The following TSHB variants were observed in gnomAD, a reference collection of about 807,000 sequenced individuals.
TSHB encodes thyrotropin subunit beta.
TSHB carries 9 observed loss-of-function variants against 9.3 expected under a neutral mutation model. The observed-to-expected ratio is 0.97, with a 90% CI of 0.58 to 1.69. The LOEUF is 1.69. TSHB is among the 40% of genes most tolerant of loss of function. The pLI, the probability that TSHB is intolerant of heterozygous loss-of-function variation, is 0.00. For missense variants in TSHB, 182 were observed against 168.5 expected (o/e 1.08, Z -0.44); for synonymous variants, 57 against 57.2 (o/e 1.00, Z 0.01).
intron 2 of TSHB, chr1:115,033,772 C>T (rs77669989): frequency 0.033 from 9,391 of 283,484 alleles, 210 homozygotes; most frequent in Non-Finnish European, 0.043. Context: ...CCATGATCAA[C>T]GATGAAAGAG....
intron 1 of TSHB, among the ~76,000 whole-genome samples, chr1:115,031,966 T>C (rs1017382244): frequency 3.3e-5 from 5 of 152,052 alleles, no homozygotes; most frequent in African/African-American, 9.7e-5. Flanking sequence ...ATAAGAAGTA[T>C]AGTAAACATA....
rs868162505 is a variant in TSHB, at chr1:115,033,409, G to C, written c.47G>C (p.Gly16Ala). 1.2e-6 allele frequency: 2 copies of C among 1,613,374 alleles called. No individual in the cohort carries two copies. Among genetic ancestry groups the C allele is most frequent in the Admixed American group, 3.3e-5 (2 of 59,968 alleles). The change falls in exon 2 of 3, where the codon GGG becomes GCG. Residue 16 changes from glycine to alanine, a missense_variant. Physicochemically the swap from Gly to Ala is moderately conservative, Grantham distance 60. Transcript: ENST00000256592. ...TCCATGCTTTTTGGCCTTACATGTG[G>C]GCAAGCGATGTCTTTTTGTATTCCA... is the stretch of plus-strand genomic sequence containing the variant. ...LMSMLFGLTC[G>A]QAMSFCIPTE...
chr1:115,032,041 G>A (rs1468264046), intron 1 of TSHB, among the ~76,000 whole-genome samples: 2 of 151,968 alleles, frequency 1.3e-5, no homozygotes, highest in African/African-American at 4.8e-5. Context: ...AGAACAATCT[G>A]CGTTTTTATT....
intron 1 of TSHB, among the ~76,000 whole-genome samples, chr1:115,030,569 G>A (rs59741045): frequency 0.43 from 65,518 of 151,768 alleles, 14,683 homozygotes; most frequent in Non-Finnish European, 0.5. Flanking sequence ...AGAGGAAAGA[G>A]GCAAAGGAAA....
At chr1:115,033,674 A>G in intron 2 of TSHB, 150 bp downstream of exon 2, 1 of 819,358 alleles carries the variant, frequency 1.2e-6, no homozygotes, top group South Asian at 1.5e-5. Flanking sequence ...CACAGGTTAC[A>G]ATATTATGTG....
chr1:115,033,841 T>C (rs1674949952), intron 2 of TSHB, 132 bp from the exon 3 acceptor site: 2 of 1,320,510 alleles, frequency 1.5e-6, no homozygotes, highest in East Asian at 2.4e-5. Context: ...TATTGGAGAA[T>C]GGGGCTAAGC....
At chr1:115,033,618 C>A in intron 2 of TSHB, 94 bp downstream of exon 2, 1 of 1,198,572 alleles carries the variant, frequency 8.3e-7, no homozygotes, top group South Asian at 1.2e-5. Flanking sequence ...AAATCACAAC[C>A]TCATTTCCCA....
At chr1:115,031,759 A>T (rs979632569) in intron 1 of TSHB, among the ~76,000 whole-genome samples, 12 of 152,052 alleles carry the variant, frequency 7.9e-5, no homozygotes, top group African/African-American at 2.7e-4. Context: ...CACATTTGAG[A>T]AGCGCTTGAG....
rs1674960039 is a variant in TSHB at position 115,034,134 on chromosome 1, C to T, written c.324C>T (p.Cys108=). ...PVALSCKCGK[C]NTDYSDCIHE... ...CTTTAAGCTGTAAGTGTGGCAAGTG[C>T]AATACTGACTATAGTGACTGCATAC... is the stretch of plus-strand genomic sequence containing the variant. Residue 108 remains cysteine, a synonymous_variant, in exon 3 of 3, where the codon TGC becomes TGT. Transcript: ENST00000256592. 1.2e-6 allele frequency: 2 copies of T among 1,613,762 alleles called. No individual in the cohort carries two copies.
intron 1 of TSHB, among the ~76,000 whole-genome samples, chr1:115,030,874 A>T (rs1674880821): frequency 6.6e-6 from 1 of 152,032 alleles, no homozygotes; most frequent in African/African-American, 2.4e-5. Context: ...AGTGTTTCAC[A>T]TGTATTGTTT....
chr1:115,032,426 T>C (rs1341699960), intron 1 of TSHB, among the ~76,000 whole-genome samples: 1 of 152,082 alleles, frequency 6.6e-6, no homozygotes, highest in Non-Finnish European at 1.5e-5. Flanking sequence ...GTACTTCTGA[T>C]TATTGAACAA....
rs11102875 is a variant in TSHB at position 115,033,094 on chromosome 1, A to G, written c.-1-268A>G. ...AATCTTTAATTTGTCCCAGCTGTAC[A>G]TATTTCCACCTTAAAGGGATATCCT... On this transcript the variant is annotated intron_variant, in intron 1 of 2. Transcript: ENST00000256592. Among the ~76,000 whole-genome samples the G allele has an allele frequency of 0.26, 39,547 of 151,110 alleles. 5,380 individuals carry two copies. Among genetic ancestry groups the G allele is most frequent in the South Asian group, 0.35 (1,688 of 4,788 alleles).
intron 1 of TSHB, among the ~76,000 whole-genome samples, chr1:115,030,858 G>C (rs1002940970): frequency 2.6e-5 from 4 of 151,976 alleles, no homozygotes; most frequent in East Asian, 1.9e-4. Flanking sequence ...CTTATATAGA[G>C]AGCCAAGTGT....
intron 1 of TSHB, among the ~76,000 whole-genome samples, chr1:115,031,158 T>C (rs1044010048): frequency 4.6e-5 from 7 of 152,024 alleles, no homozygotes; most frequent in Non-Finnish European, 1.0e-4. Context: ...AGTTTTACTA[T>C]TCGCAATAAA....
intron 2 of TSHB, 35 bp from the exon 3 acceptor site, chr1:115,033,938 G>C: frequency 6.2e-7 from 1 of 1,610,210 alleles, no homozygotes; most frequent in African/African-American, 1.3e-5. Flanking sequence ...CTAAAGTCCT[G>C]TCACATTATG....
intron 2 of TSHB, 73 bp from the exon 3 acceptor site, chr1:115,033,894 ATTTATT>A: frequency 6.4e-7 from 1 of 1,563,214 alleles, no homozygotes; most frequent in Non-Finnish European, 8.7e-7. Context: ...ATATAAGTGA[ATTTATT>A]TTTATGTTTC....
chr1:115,030,696 A>C (rs1674877113), intron 1 of TSHB, among the ~76,000 whole-genome samples: 1 of 152,042 alleles, frequency 6.6e-6, no homozygotes, highest in East Asian at 1.9e-4. Context: ...ATGTTTAGGT[A>C]CCCAACAAAT....
rs911111855 is a variant in TSHB at position 115,033,897 on chromosome 1, T to C, written c.163-76T>C. ...TGTGATGAAGGAATATAAGTGAATT[T>C]ATTTTTATGTTTCTATTATCTATAT... On this transcript the variant is annotated intron_variant, in intron 2 of 2. Coordinates refer to ENST00000256592, the MANE Select transcript of TSHB (RefSeq NM_000549.5). 9.8e-5 allele frequency: 153 copies of C among 1,568,926 alleles called. No individual in the cohort carries two copies. In the Admixed American group the frequency reaches 2.5e-3, roughly 26 times the overall value.
At chr1:115,032,806 A>G (rs1173145019) in intron 1 of TSHB, among the ~76,000 whole-genome samples, 1 of 152,038 alleles carries the variant, frequency 6.6e-6, no homozygotes, top group Non-Finnish European at 1.5e-5. Context: ...ATATCCAATC[A>G]ATACATATTG....
Sources: gnomAD v4.1 joint callset for allele counts (sites outside exome capture counted in the v4.1 genomes callset) on GRCh38, gnomAD v4.1.1 for gene constraint, MANE v1.5 for transcripts, NCBI Gene and HGNC (gene_info 2026-07-23, HGNC 2026-07-21) for gene names.